Variants in KLHL1 observed in about 807,000 individuals in gnomAD.
KLHL1 encodes kelch-like protein 1.
KLHL1 carries 47 observed loss-of-function variants against 77.7 expected under a neutral mutation model. The observed-to-expected ratio is 0.60, with a 90% CI of 0.48 to 0.77. The LOEUF (loss-of-function observed/expected upper bound fraction) is 0.77, where lower values mean the gene tolerates loss of function less well. Among genes scored for constraint, KLHL1 ranks in the 30% least tolerant of loss-of-function variants. The pLI is 0.00. For missense variants in KLHL1, 925 were observed against 910.8 expected (o/e 1.02, Z -0.20); for synonymous variants, 360 against 325.2 (o/e 1.11, Z -1.15).
Position 69,719,197 on chromosome 13 carries a change from TGTGTGTGTGTGTGAGA to T in KLHL1, c.2015+156_2015+171del, listed in dbSNP as rs1181023574. ...AAAAGAAAGTACGTGTGTGTGTGTG[TGTGTGTGTGTGTGAGA>T]GAGAGAGAGAGAGAGAGAGAGAAAG... On this transcript the variant is annotated intron_variant, in intron 9 of 10. Transcript: ENST00000377844. Among the ~76,000 whole-genome samples, 364 of 23,320 alleles carry T rather than the reference TGTGTGTGTGTGTGAGA, an allele frequency of 0.016. 3 individuals are homozygous for T. In the Admixed American group the frequency reaches 0.2, roughly 13 times the overall value. 15.3% of individuals were successfully genotyped at this position (23,320 alleles called of 152,430 possible).
At chr13:69,820,002 C>T (rs796144173) in intron 6 of KLHL1, among the ~76,000 whole-genome samples, 3 of 152,222 alleles carry the variant, frequency 2.0e-5, no homozygotes, top group African/African-American at 7.2e-5. Context: ...ATTGTTTTCC[C>T]GTGTCAAGAA....
intron 1 of KLHL1, among the ~76,000 whole-genome samples, chr13:70,073,882 G>A (rs1239291441): frequency 6.6e-6 from 1 of 151,782 alleles, no homozygotes; most frequent in African/African-American, 2.4e-5. Flanking sequence ...CTGGAGGGCA[G>A]TGGTGTGATC....
intron 7 of KLHL1, among the ~76,000 whole-genome samples, chr13:69,754,133 C>T: frequency 6.6e-6 from 1 of 152,008 alleles, no homozygotes; most frequent in Non-Finnish European, 1.5e-5. Context: ...TGAGTCATTG[C>T]ACCCAGCCAA....
intron 4 of KLHL1, among the ~76,000 whole-genome samples, chr13:69,934,956 G>C (rs1883121401): frequency 1.1e-5 from 1 of 94,742 alleles, no homozygotes; most frequent in African/African-American, 4.3e-5. Context: ...GTGTGTGTGT[G>C]CATGTGTATA....
Position 69,900,476 on chromosome 13 carries a change from G to A in KLHL1, c.1015-17981C>T, listed in dbSNP as rs569214431. ...AACAAAATGTGGATTTCGGATTAGC[G>A]TTTTTCACCATTGTTCCCAGTAATC... On this transcript the variant is annotated intron_variant, in intron 4 of 10. Coordinates refer to ENST00000377844, the MANE Select transcript of KLHL1 (RefSeq NM_020866.3). Among the ~76,000 whole-genome samples, 7 of 152,276 alleles carry A rather than the reference G, an allele frequency of 4.6e-5. 1 individual carries two copies. The highest frequency in any genetic ancestry group is 3.3e-4 in the Admixed American group (5 of 15,290).
intron 1 of KLHL1, among the ~76,000 whole-genome samples, chr13:69,979,355 G>A (rs1287152106): frequency 6.6e-5 from 10 of 151,884 alleles, no homozygotes; most frequent in East Asian, 3.9e-4. Flanking sequence ...ATCATTTCAT[G>A]ATCTAAGACT....
At chr13:69,885,664 C>T (rs1189741711) in intron 4 of KLHL1, among the ~76,000 whole-genome samples, 1 of 152,154 alleles carries the variant, frequency 6.6e-6, no homozygotes, top group South Asian at 2.1e-4. Context: ...GATCATATAA[C>T]AAGAGGCCTG....
At chr13:69,836,927 T>A (rs753760216) in intron 6 of KLHL1, among the ~76,000 whole-genome samples, 2 of 151,888 alleles carry the variant, frequency 1.3e-5, no homozygotes, top group Non-Finnish European at 2.9e-5. Flanking sequence ...ATTAAATACA[T>A]AAAAAATTAA....
Position 69,821,503 on chromosome 13 carries a change from T to TG in KLHL1, c.1414+17472dup, listed in dbSNP as rs373138388. Among the ~76,000 whole-genome samples the TG allele has an allele frequency of 6.4e-3, 968 of 152,004 alleles. 9 individuals carry two copies. Among genetic ancestry groups the TG allele is most frequent in the African/African-American group, 0.022 (920 of 41,474 alleles). On this transcript the variant is annotated intron_variant, in intron 6 of 10. Transcript: ENST00000377844. ...CTAATTTTTGCATTTTTAGTAGAAA[T>TG]GGGGTTTCATCATGTTGGCCAGGCT...
intron 1 of KLHL1, among the ~76,000 whole-genome samples, chr13:69,977,562 G>T (rs1021700815): frequency 6.6e-6 from 1 of 152,076 alleles, no homozygotes; most frequent in African/African-American, 2.4e-5. Flanking sequence ...GGGGAGAAAT[G>T]ATGGGACAAA....
intron 4 of KLHL1, among the ~76,000 whole-genome samples, chr13:69,906,466 C>G (rs1182444836): frequency 6.6e-6 from 1 of 151,826 alleles, no homozygotes; most frequent in Admixed American, 6.6e-5. Flanking sequence ...CTAGAACATA[C>G]AAATTAATAT....
chr13:69,804,167 T>A (rs1877512625), intron 6 of KLHL1, among the ~76,000 whole-genome samples: 1 of 152,182 alleles, frequency 6.6e-6, no homozygotes, highest in African/African-American at 2.4e-5. Context: ...AATACAAAAC[T>A]ACTTTCCTCA....
chr13:69,765,260 C>A (rs1259142953), intron 7 of KLHL1, among the ~76,000 whole-genome samples: 1 of 151,902 alleles, frequency 6.6e-6, no homozygotes, highest in Non-Finnish European at 1.5e-5. Flanking sequence ...CCTATCTTTG[C>A]ATGTTTTATA....
intron 1 of KLHL1, among the ~76,000 whole-genome samples, chr13:70,014,260 T>C (rs1017569599): frequency 6.6e-6 from 1 of 152,044 alleles, no homozygotes; most frequent in Non-Finnish European, 1.5e-5. Flanking sequence ...AATTTTCTGT[T>C]TAAATAATAG....
intron 1 of KLHL1, among the ~76,000 whole-genome samples, chr13:70,039,086 G>A (rs1054972943): frequency 7.0e-6 from 1 of 142,854 alleles, no homozygotes; most frequent in Non-Finnish European, 1.5e-5. Context: ...GTAATGGACA[G>A]GGTGTTACTC....
At chr13:69,871,726 C>CTTT (rs76951131) in intron 5 of KLHL1, among the ~76,000 whole-genome samples, 6 of 141,996 alleles carry the variant, frequency 4.2e-5, no homozygotes, top group South Asian at 2.3e-4. Flanking sequence ...ATTCGGCCAA[C>CTTT]TTTTTTTTTT....
chr13:70,043,247 AAT>A (rs1183724382), intron 1 of KLHL1, among the ~76,000 whole-genome samples: 20 of 152,136 alleles, frequency 1.3e-4, no homozygotes, highest in Non-Finnish European at 2.1e-4. Context: ...ACTAAAAAAA[AAT>A]AAAAATAAAA....
intron 6 of KLHL1, among the ~76,000 whole-genome samples, chr13:69,803,887 TG>T: frequency 6.6e-6 from 1 of 152,310 alleles, no homozygotes; most frequent in East Asian, 1.9e-4. Context: ...AAAATAAATT[TG>T]GAAAAGTTCC....
rs1296432743 is a variant in KLHL1 at position 69,700,963 on chromosome 13, A to G, written c.*739T>C. ...GGCAAAAGCCCAATAATTACACTGC[A>G]TCTTTGGCTCAGTGTGTTAAAAAAG... On this transcript the variant is annotated 3_prime_UTR_variant, in exon 11 of 11. Coordinates refer to ENST00000377844, the MANE Select transcript of KLHL1 (RefSeq NM_020866.3). 1 of 152,364 alleles carries G rather than the reference A, an allele frequency of 6.6e-6. No homozygotes were observed. Among genetic ancestry groups the G allele is most frequent in the Non-Finnish European group, 1.5e-5 (1 of 67,834 alleles). 9.4% of individuals were successfully genotyped at this position (152,364 alleles called of 1,614,324 possible).
Sources: allele counts gnomAD v4.1 joint callset (sites outside exome capture counted in the v4.1 genomes callset), GRCh38; gene constraint gnomAD v4.1.1; transcripts MANE v1.5; gene names NCBI Gene and HGNC (gene_info 2026-07-23, HGNC 2026-07-21).